The following ARHGAP26 variants were observed in gnomAD, a reference collection of about 807,000 sequenced individuals.
ARHGAP26 encodes rho GTPase-activating protein 26.
In ARHGAP26, 38 loss-of-function variants were observed where a neutral mutation model predicts 104.8. The ratio of observed to expected loss-of-function variants is 0.36; its 90% CI spans 0.28 to 0.48. ARHGAP26 has a LOEUF of 0.48. Ranked by LOEUF, ARHGAP26 falls within the 20% of genes least tolerant of loss-of-function variation. The pLI, the probability that ARHGAP26 is intolerant of heterozygous loss-of-function variation, is 0.99. For missense variants in ARHGAP26, 704 were observed against 947.9 expected (o/e 0.74, Z 3.38); for synonymous variants, 341 against 340.0 (o/e 1.00, Z -0.03).
chr5:142,786,654 ATTT>A lies in ARHGAP26; in HGVS notation c.154+15762_154+15764del, dbSNP rs70991779. 6.2e-3 allele frequency among the ~76,000 whole-genome samples: 651 copies of A among 104,486 alleles called. 5 individuals are homozygous for A. The highest frequency in any genetic ancestry group is 0.021 in the African/African-American group (626 of 29,492). 68.5% of individuals were successfully genotyped at this position (104,486 alleles called of 152,430 possible). On this transcript the variant is annotated intron_variant, in intron 1 of 22. Coordinates refer to ENST00000645722, the MANE Select transcript of ARHGAP26 (RefSeq NM_001135608.3). ...TGAAACAGATTTCTGGAGTTCTAGA[ATTT>A]TTTTTTTTTTTTTTTTTTTTTTGAG...
chr5:143,007,924 A>G (rs1446673064), intron 11 of ARHGAP26, among the ~76,000 whole-genome samples: 1 of 152,210 alleles, frequency 6.6e-6, no homozygotes, highest in Non-Finnish European at 1.5e-5. Context: ...AGTTGGTTAT[A>G]TTACATTGCC....
At chr5:142,962,826 G>A (rs771833102) in intron 11 of ARHGAP26, among the ~76,000 whole-genome samples, 4 of 151,892 alleles carry the variant, frequency 2.6e-5, no homozygotes, top group Non-Finnish European at 5.9e-5. Context: ...TAAGTTCAGG[G>A]GTACATGTGC....
intron 14 of ARHGAP26, among the ~76,000 whole-genome samples, chr5:143,052,221 C>T (rs1785144371): frequency 6.6e-6 from 1 of 152,128 alleles, no homozygotes; most frequent in African/African-American, 2.4e-5. Flanking sequence ...CCTGTAATCC[C>T]AGCACTTTAG....
intron 12 of ARHGAP26, among the ~76,000 whole-genome samples, chr5:143,019,800 C>T (rs1176325643): frequency 6.6e-6 from 1 of 152,216 alleles, no homozygotes; most frequent in African/African-American, 2.4e-5. Context: ...ATGCTGCCCT[C>T]CCACTGTTTC....
intron 17 of ARHGAP26, among the ~76,000 whole-genome samples, chr5:143,087,908 CAA>C (rs560211312): frequency 7.4e-4 from 113 of 152,142 alleles, no homozygotes; most frequent in African/African-American, 2.3e-3. Flanking sequence ...CTCGGCCTCC[CAA>C]AGTGCTGGGA....
chr5:142,777,808 A>C (rs1253107811), intron 1 of ARHGAP26, among the ~76,000 whole-genome samples: 2 of 152,196 alleles, frequency 1.3e-5, no homozygotes, highest in African/African-American at 4.8e-5. Context: ...AGTGAAGGCG[A>C]ATGCACAAAG....
chr5:143,061,453 G>A (rs941096465), intron 17 of ARHGAP26, among the ~76,000 whole-genome samples: 2 of 152,172 alleles, frequency 1.3e-5, no homozygotes, highest in African/African-American at 4.8e-5. Flanking sequence ...CATACATCAG[G>A]AGTAGATATT....
chr5:142,770,596 G>C lies in ARHGAP26; in HGVS notation c.-166G>C. 2.9e-6 allele frequency: 1 copy of C among 349,070 alleles called. No homozygotes were observed. Among genetic ancestry groups the C allele is most frequent in the Non-Finnish European group, 4.2e-6 (1 of 237,234 alleles). 21.6% of individuals were successfully genotyped at this position (349,070 alleles called of 1,614,324 possible). A position where few individuals can be genotyped will look rare whatever the true frequency, so the allele number is the denominator to read the frequency against. Reference sequence around the variant, plus strand: ...GGCCGGGTCCGAGCTCGGTTCGGGAGTCTTGCGCGCCGGCGGACACCGCGC... The same window carrying C: ...GGCCGGGTCCGAGCTCGGTTCGGGACTCTTGCGCGCCGGCGGACACCGCGC... On this transcript the variant is annotated 5_prime_UTR_variant, in exon 1 of 23. Coordinates refer to ENST00000645722, the MANE Select transcript of ARHGAP26 (RefSeq NM_001135608.3).
At chr5:143,164,718 T>C (rs1006013041) in intron 20 of ARHGAP26, among the ~76,000 whole-genome samples, 2 of 152,254 alleles carry the variant, frequency 1.3e-5, no homozygotes, top group African/African-American at 4.8e-5. Context: ...TAGAGAGCGC[T>C]GTTAGCCATA....
chr5:143,101,044 C>T (rs1413399082), intron 17 of ARHGAP26, among the ~76,000 whole-genome samples: 1 of 152,222 alleles, frequency 6.6e-6, no homozygotes, highest in Admixed American at 6.5e-5. Context: ...AGTGAACAAA[C>T]ATTGTGTCAC....
At chr5:142,877,051 G>T (rs142462235) in intron 3 of ARHGAP26, among the ~76,000 whole-genome samples, 262 of 152,170 alleles carry the variant, frequency 1.7e-3, no homozygotes, top group African/African-American at 5.8e-3. Context: ...GGGGGTGGGG[G>T]TGTGGCAAGC....
intron 5 of ARHGAP26, among the ~76,000 whole-genome samples, chr5:142,887,920 G>A (rs1047968892): frequency 1.3e-5 from 2 of 151,906 alleles, no homozygotes; most frequent in African/African-American, 4.8e-5. Context: ...AGCCACAGTC[G>A]CGCCACTGCA....
intron 19 of ARHGAP26, among the ~76,000 whole-genome samples, chr5:143,141,408 G>C (rs1798522545): frequency 6.6e-6 from 1 of 152,204 alleles, no homozygotes; most frequent in Admixed American, 6.5e-5. Context: ...AGATCGATTG[G>C]ACATTTACAC....
intron 14 of ARHGAP26, among the ~76,000 whole-genome samples, chr5:143,050,104 G>A (rs1236005802): frequency 6.6e-6 from 1 of 152,226 alleles, no homozygotes; most frequent in Non-Finnish European, 1.5e-5. Context: ...CTTGGGCTAT[G>A]TTGTTGGTGG....
chr5:142,898,459 T>G (rs1759798883), intron 6 of ARHGAP26, among the ~76,000 whole-genome samples: 1 of 152,224 alleles, frequency 6.6e-6, no homozygotes, highest in Admixed American at 6.5e-5. Context: ...TTTTCCATCC[T>G]GAATATTTCT....
chr5:142,869,351 G>A (rs1255683053), intron 1 of ARHGAP26, among the ~76,000 whole-genome samples: 1 of 151,502 alleles, frequency 6.6e-6, no homozygotes, highest in African/African-American at 2.4e-5. Flanking sequence ...GGGATTACAG[G>A]TGCACACCAG....
At chr5:143,038,472 G>A (rs1399460310) in intron 13 of ARHGAP26, among the ~76,000 whole-genome samples, 1 of 152,136 alleles carries the variant, frequency 6.6e-6, no homozygotes, top group East Asian at 1.9e-4. Flanking sequence ...TAAAGTAGAA[G>A]TAGGTGACAT....
intron 20 of ARHGAP26, among the ~76,000 whole-genome samples, chr5:143,201,181 A>G (rs780682902): frequency 2.4e-4 from 37 of 152,240 alleles, no homozygotes; most frequent in Non-Finnish European, 4.6e-4. Context: ...CAGACCAGCA[A>G]ATGTTCCTTG....
chr5:142,833,324 G>A (rs1249766962), intron 1 of ARHGAP26, among the ~76,000 whole-genome samples: 2 of 151,496 alleles, frequency 1.3e-5, no homozygotes, highest in African/African-American at 4.9e-5. Context: ...GCCTCCCAAA[G>A]TGCTAGGATT....
Sources: allele counts gnomAD v4.1 joint callset (sites outside exome capture counted in the v4.1 genomes callset), GRCh38; gene constraint gnomAD v4.1.1; transcripts MANE v1.5; gene names NCBI Gene and HGNC (gene_info 2026-07-23, HGNC 2026-07-21).